MARK4: variants seen among roughly 807,000 people sequenced by gnomAD.
The protein encoded by MARK4 is MAP/microtubule affinity-regulating kinase 4.
In MARK4, 19 loss-of-function variants were observed where a neutral mutation model predicts 81.5. The observed-to-expected ratio is 0.23, with a 90% confidence interval of 0.16 to 0.34. The LOEUF (loss-of-function observed/expected upper bound fraction) is 0.34. Ranked by LOEUF, MARK4 falls within the 10% of genes least tolerant of loss-of-function variation. The pLI is 1.00. For synonymous variants in MARK4, 436 were observed against 439.0 expected, an observed-to-expected ratio of 0.99 and a Z score of 0.08; for missense variants, 772 against 1,058.8, an observed-to-expected ratio of 0.73 and a Z score of 3.76.
intron 8 of MARK4, among the ~76,000 whole-genome samples, chr19:45,276,925 G>A (rs1451502282): frequency 1.3e-5 from 2 of 151,250 alleles, no homozygotes; most frequent in Non-Finnish European, 2.9e-5. Context: ...GTGAGCCACC[G>A]CGCCCAGCCA....
rs781671493 is a variant in MARK4, at chr19:45,271,610, A to G, written c.688A>G (p.Lys230Glu). 1 of 1,614,216 alleles carries G rather than the reference A, an allele frequency of 6.2e-7. No individual in the cohort carries two copies. Among genetic ancestry groups the G allele is most frequent in the Admixed American group, 1.7e-5 (1 of 60,020 alleles). The change falls in exon 8 of 17, where the codon AAG becomes GAG. Residue 230 changes from lysine to glutamate, a missense_variant. Lys to Glu is a moderately conservative substitution (Grantham distance 56, BLOSUM62 1). Coordinates refer to ENST00000262891, the MANE Select transcript of MARK4 (RefSeq NM_001199867.2). This position sits in a 1 kb window ranked among gnomAD's most constrained non-coding sequence, Gnocchi z 4.1. Reference protein sequence around the residue: ...PYAAPELFQGKKYDGPEVDIW... With the variant: ...PYAAPELFQGEKYDGPEVDIW... ...TGCCGCCCCGGAGCTGTTTCAGGGCAAGAAGTACGACGGGCCGGAGGTGGA... is the reference window on the plus strand; with the variant it reads ...TGCCGCCCCGGAGCTGTTTCAGGGCGAGAAGTACGACGGGCCGGAGGTGGA...
In MARK4 at chr19:45,277,956, C is replaced by T; in HGVS notation, c.820C>T (p.Arg274Trp). ...LRERVLRGKY[R>W]VPFYMSTDCE... ...GGAGCGAGTACTCAGAGGGAAGTAC[C>T]GGGTCCCTTTCTACATGTCAACAGA... Residue 274 changes from arginine to tryptophan, a missense_variant, in exon 9 of 17, where the codon CGG becomes TGG. Arg to Trp is a moderately radical substitution (Grantham distance 101, BLOSUM62 -3). Coordinates refer to ENST00000262891, the MANE Select transcript of MARK4 (RefSeq NM_001199867.2). The T allele has an allele frequency of 1.9e-6, 3 of 1,613,406 alleles. No homozygotes were observed. The highest frequency in any genetic ancestry group is 8.5e-7 in the Non-Finnish European group (1 of 1,179,888).
chr19:45,294,564 AGT>A, intron 14 of MARK4, 112 bp downstream of exon 14: 5 of 906,880 alleles, frequency 5.5e-6, no homozygotes, highest in Non-Finnish European at 6.9e-6. Context: ...GGGACCAGAG[AGT>A]GAGTGTATCT....
intron 8 of MARK4, among the ~76,000 whole-genome samples, chr19:45,274,500 A>G (rs1471686795): frequency 3.9e-5 from 6 of 152,006 alleles, no homozygotes; most frequent in Non-Finnish European, 8.8e-5. Flanking sequence ...GCCTGGTGGC[A>G]TGCGCCTGTA....
At chr19:45,253,480 C>T (rs1300501255) in intron 1 of MARK4, among the ~76,000 whole-genome samples, 2 of 152,120 alleles carry the variant, frequency 1.3e-5, no homozygotes, top group Non-Finnish European at 2.9e-5. Context: ...TAGGGGTGAC[C>T]GCTTGAGTGC....
chr19:45,256,227 C>T (rs1211484582), intron 1 of MARK4, among the ~76,000 whole-genome samples: 1 of 152,172 alleles, frequency 6.6e-6, no homozygotes, highest in African/African-American at 2.4e-5. Flanking sequence ...CACCTGAGGT[C>T]AGGAGTTCAA....
At chr19:45,290,716 G>A (rs910386732) in intron 13 of MARK4, among the ~76,000 whole-genome samples, 20 of 152,234 alleles carry the variant, frequency 1.3e-4, no homozygotes, top group Non-Finnish European at 1.9e-4. Context: ...GCAGTGTCTG[G>A]CCATGACCAG....
At chr19:45,295,407 C>G (rs62120862) in intron 14 of MARK4, among the ~76,000 whole-genome samples, 4 of 151,802 alleles carry the variant, frequency 2.6e-5, no homozygotes, top group South Asian at 2.1e-4. Context: ...GAGTTCGAAT[C>G]TTACCTCTGT....
rs1390709715 is a variant in MARK4 at position 45,303,585 on chromosome 19, C to T, written c.*875C>T. On this transcript the variant is annotated 3_prime_UTR_variant, in exon 17 of 17. Transcript: ENST00000262891. The stretch of plus-strand genomic sequence containing the variant: ...GCCCCAGTTCCTATATCGGGCCCCC[C>T]ATTCATCCACTCACACTCCCAGCCA... 2 of 152,200 alleles carry T rather than the reference C, an allele frequency of 1.3e-5. No individual in the cohort carries two copies. Among genetic ancestry groups the T allele is most frequent in the African/African-American group, 2.4e-5 (1 of 41,438 alleles). 9.4% of individuals were successfully genotyped at this position (152,200 alleles called of 1,614,324 possible). A position where few individuals can be genotyped will look rare whatever the true frequency, so the allele number is the denominator to read the frequency against.
chr19:45,285,211 A>G (rs1201836976), intron 12 of MARK4, among the ~76,000 whole-genome samples: 1 of 146,586 alleles, frequency 6.8e-6, no homozygotes, highest in Non-Finnish European at 1.5e-5. Context: ...ATGAGTCCAG[A>G]TCGTGCCACT....
In MARK4 at chr19:45,271,138, T is replaced by C. The variant is rs1970521788; in HGVS notation, c.550-334T>C. ...CCAGGCCGATCTTGAACTCCTGACC[T>C]CAGGTGATCCACCTGCCTTGGCCTC... On this transcript the variant is annotated intron_variant, in intron 7 of 16. Coordinates refer to ENST00000262891, the MANE Select transcript of MARK4 (RefSeq NM_001199867.2). This position sits in a 1 kb window ranked among gnomAD's most constrained non-coding sequence, Gnocchi z 4.1. 6.6e-6 allele frequency among the ~76,000 whole-genome samples: 1 copy of C among 152,204 alleles called. No individual in the cohort carries two copies. Among genetic ancestry groups the C allele is most frequent in the South Asian group, 2.1e-4 (1 of 4,828 alleles).
intron 16 of MARK4, among the ~76,000 whole-genome samples, 186 bp downstream of exon 16, chr19:45,300,041 C>T (rs894635753): frequency 2.0e-5 from 3 of 152,220 alleles, no homozygotes; most frequent in South Asian, 4.1e-4. Flanking sequence ...AGCACCTTCC[C>T]TTGATCATCT....
At chr19:45,263,031 G>C in intron 2 of MARK4, 82 bp from the exon 3 acceptor site, 1 of 1,505,048 alleles carries the variant, frequency 6.6e-7, no homozygotes, top group Non-Finnish European at 9.0e-7. Context: ...TTCCCAAAAT[G>C]CTGGGATTAC....
Position 45,262,927 on chromosome 19 carries a change from G to T in MARK4, c.253-186G>T, listed in dbSNP as rs551634814. 9.8e-6 allele frequency: 6 copies of T among 610,130 alleles called. No individual in the cohort carries two copies. In the Admixed American group the frequency reaches 1.2e-4, roughly 12 times the overall value. 37.8% of individuals were successfully genotyped at this position (610,130 alleles called of 1,614,324 possible). On this transcript the variant is annotated intron_variant, in intron 2 of 16. Transcript: ENST00000262891. ...TTACAGGTGCCTGCTACCACACCTG[G>T]CTAATTTTTGTATTTTTAGTAAAGA...
chr19:45,259,664 A>G (rs1970355805), intron 2 of MARK4, among the ~76,000 whole-genome samples: 1 of 152,176 alleles, frequency 6.6e-6, no homozygotes, highest in Non-Finnish European at 1.5e-5. Context: ...GGTCCCAGCT[A>G]CTTGGGAGGC....
In MARK4 at chr19:45,259,174, C is replaced by T. The variant is rs772957687; in HGVS notation, c.237C>T (p.Ile79=). 2 of 1,614,104 alleles carry T rather than the reference C, an allele frequency of 1.2e-6. No individual in the cohort carries two copies. Among genetic ancestry groups the T allele is most frequent in the Admixed American group, 1.7e-5 (1 of 60,018 alleles). The change falls in exon 2 of 17, where the codon ATC becomes ATT. Residue 79 remains isoleucine, a synonymous_variant. Transcript: ENST00000262891. ...CCAAAGTCAAGCTGGCTCGGCACATCCTCACTGGTCGGGAGGTGAGTATGG... is the reference window on the plus strand; with the variant it reads ...CCAAAGTCAAGCTGGCTCGGCACATTCTCACTGGTCGGGAGGTGAGTATGG... ...NFAKVKLARH[I]LTGREVAIKI... is the part of the protein sequence containing the mutation.
At chr19:45,253,101 C>A (rs1244992682) in intron 1 of MARK4, among the ~76,000 whole-genome samples, 1 of 152,122 alleles carries the variant, frequency 6.6e-6, no homozygotes, top group Non-Finnish European at 1.5e-5. Flanking sequence ...GACTTCTCCC[C>A]ACCTGGGATC....
At position 45,298,105 on chromosome 19, in the gene MARK4, C is replaced by T. The variant is rs780532775; in HGVS notation, c.1877+151C>T. On this transcript the variant is annotated intron_variant, in intron 15 of 16. Coordinates refer to ENST00000262891, the MANE Select transcript of MARK4 (RefSeq NM_001199867.2). Reference sequence around the variant, plus strand: ...TCCTCCTCCTCCTCCTCCTTTCCTCCTCCCCTGTCACCCCTCACCTCCCTC... The same window carrying T: ...TCCTCCTCCTCCTCCTCCTTTCCTCTTCCCCTGTCACCCCTCACCTCCCTC... The T allele has an allele frequency of 4.4e-6, 7 of 1,605,308 alleles. No homozygotes were observed. In the Admixed American group the frequency reaches 1.2e-4, roughly 27 times the overall value.
intron 2 of MARK4, among the ~76,000 whole-genome samples, chr19:45,260,508 A>G (rs1322798617): frequency 1.3e-5 from 2 of 151,878 alleles, no homozygotes; most frequent in East Asian, 3.9e-4. Flanking sequence ...CCTGGCCAAC[A>G]TGGCAAAACC....
Sources: allele counts gnomAD v4.1 joint callset (sites outside exome capture counted in the v4.1 genomes callset), GRCh38; gene constraint gnomAD v4.1.1; non-coding constraint Gnocchi (gnomAD v3.1); transcripts MANE v1.5; gene names NCBI Gene and HGNC (gene_info 2026-07-23, HGNC 2026-07-21).